The following IL1RAPL1 variants were observed in gnomAD, a reference collection of about 807,000 sequenced individuals.
IL1RAPL1 encodes the protein interleukin-1 receptor accessory protein-like 1.
A neutral mutation model predicts 48.4 loss-of-function variants in IL1RAPL1; 3 were observed. The observed-to-expected ratio is 0.06, with a 90% CI of 0.03 to 0.16. The LOEUF is 0.16. IL1RAPL1 is among the 10% of genes least tolerant of loss of function. The probability of loss-of-function intolerance (pLI) is 1.00; values close to 1 mark genes in which losing one functional copy is unlikely to be tolerated. For synonymous variants in IL1RAPL1, 185 were observed against 187.7 expected (o/e 0.99, Z 0.12); for missense variants, 349 against 530.6 (o/e 0.66, Z 3.36).
intron 5 of IL1RAPL1, among the ~76,000 whole-genome samples, chrX:29,400,421 T>C (rs780641814): frequency 8.9e-6 from 1 of 112,501 alleles, no homozygotes; most frequent in South Asian, 3.7e-4. Context: ...TCATACATTT[T>C]TTTTCTTTAT....
rs1476691252 is a variant in IL1RAPL1 at position 29,600,746 on chromosome X, T to C, written c.704-67684T>C. Among the ~76,000 whole-genome samples, 4 of 110,970 alleles carry C rather than the reference T, an allele frequency of 3.6e-5. No individual in the cohort carries two copies. In the East Asian group the frequency reaches 1.1e-3, roughly 31 times the overall value. On this transcript the variant is annotated intron_variant, in intron 5 of 10. Transcript: ENST00000378993. ...CTCTTTGGGTGGGGCTTGCTGAAGC[T>C]GCTGTGGGGGATAGCGGTGTGGTTC...
chrX:29,405,636 A>G (rs56168775), intron 5 of IL1RAPL1, among the ~76,000 whole-genome samples: 13,226 of 105,421 alleles, frequency 0.13, 1,853 homozygotes, highest in African/African-American at 0.38. Context: ...AAAGTGCTGG[A>G]ATTACAGGCG....
At chrX:29,506,804 G>T (rs962852675) in intron 5 of IL1RAPL1, among the ~76,000 whole-genome samples, 2 of 110,236 alleles carry the variant, frequency 1.8e-5, no homozygotes, top group African/African-American at 3.3e-5. Flanking sequence ...TGTCCTCGGG[G>T]ATATTTCTGT....
At chrX:28,852,338 C>CTT (rs11437442) in intron 2 of IL1RAPL1, among the ~76,000 whole-genome samples, 148 of 101,669 alleles carry the variant, frequency 1.5e-3, no homozygotes, top group South Asian at 4.9e-3. Flanking sequence ...TAATCCATAA[C>CTT]TTTTTTTTTT....
At chrX:29,292,455 T>C (rs1171402380) in intron 3 of IL1RAPL1, among the ~76,000 whole-genome samples, 1 of 111,856 alleles carries the variant, frequency 8.9e-6, no homozygotes, top group African/African-American at 3.2e-5. Flanking sequence ...GTATAAACAA[T>C]TTAAGTAATT....
intron 2 of IL1RAPL1, among the ~76,000 whole-genome samples, chrX:28,994,822 T>C (rs1267917888): frequency 8.9e-6 from 1 of 111,923 alleles, no homozygotes; most frequent in Non-Finnish European, 1.9e-5. Context: ...ATGGCAAATT[T>C]AATTAAAATA....
chrX:29,782,154 C>G (rs865890883), intron 6 of IL1RAPL1, among the ~76,000 whole-genome samples: 1 of 103,274 alleles, frequency 9.7e-6, no homozygotes, highest in Non-Finnish European at 2.0e-5. Flanking sequence ...ATGTACCTAC[C>G]TACCTACCTA....
intron 8 of IL1RAPL1, among the ~76,000 whole-genome samples, chrX:29,938,474 C>T (rs1933070511): frequency 9.0e-6 from 1 of 111,618 alleles, no homozygotes; most frequent in Admixed American, 9.5e-5. Flanking sequence ...CTGCCTGGGC[C>T]CTTATCTACA....
At chrX:29,735,635 G>A (rs1468554308) in intron 6 of IL1RAPL1, among the ~76,000 whole-genome samples, 1 of 111,979 alleles carries the variant, frequency 8.9e-6, no homozygotes, top group African/African-American at 3.3e-5. Flanking sequence ...CGGTGTGAGA[G>A]TAGGTAGCAG....
At chrX:28,927,308 T>C (rs763342911) in intron 2 of IL1RAPL1, among the ~76,000 whole-genome samples, 6 of 112,024 alleles carry the variant, frequency 5.4e-5, no homozygotes, top group Non-Finnish European at 9.4e-5. Context: ...ACTTTTAACT[T>C]ATTCATGCAT....
At chrX:29,566,832 G>A (rs1296661037) in intron 5 of IL1RAPL1, among the ~76,000 whole-genome samples, 1 of 111,463 alleles carries the variant, frequency 9.0e-6, no homozygotes. Flanking sequence ...ACCAAAAAAA[G>A]TAGTTTTAAA....
At chrX:28,914,949 A>G (rs1442017132) in intron 2 of IL1RAPL1, among the ~76,000 whole-genome samples, 1 of 112,015 alleles carries the variant, frequency 8.9e-6, no homozygotes, top group South Asian at 3.7e-4. Context: ...TACAGTGAAA[A>G]CTGTAGATCA....
chrX:29,462,558 C>G (rs1466703419), intron 5 of IL1RAPL1, among the ~76,000 whole-genome samples: 1 of 111,532 alleles, frequency 9.0e-6, no homozygotes, highest in African/African-American at 3.3e-5. Flanking sequence ...ATCATTCCCT[C>G]TCTCCCCTGC....
At chrX:28,762,375 A>C (rs1198890336) in intron 1 of IL1RAPL1, among the ~76,000 whole-genome samples, 2 of 111,927 alleles carry the variant, frequency 1.8e-5, no homozygotes, top group Non-Finnish European at 3.8e-5. Context: ...TGAATTTAAA[A>C]ATTTTATGAC....
chrX:29,006,624 C>A (rs1216115958), intron 2 of IL1RAPL1, among the ~76,000 whole-genome samples: 1 of 103,597 alleles, frequency 9.7e-6, no homozygotes, highest in African/African-American at 3.5e-5. Flanking sequence ...TTGTCTTGCC[C>A]ACATTTGTGT....
intron 2 of IL1RAPL1, among the ~76,000 whole-genome samples, chrX:28,798,962 A>G (rs1282534614): frequency 9.0e-6 from 1 of 111,289 alleles, no homozygotes; most frequent in Non-Finnish European, 1.9e-5. Context: ...TTTCAAAAAT[A>G]CCCCCTTTTC....
At chrX:29,791,795 A>G (rs1269558077) in intron 6 of IL1RAPL1, among the ~76,000 whole-genome samples, 1 of 93,703 alleles carries the variant, frequency 1.1e-5, no homozygotes, top group Non-Finnish European at 2.1e-5. Context: ...CAGTGTTGTG[A>G]TCTGAGCTCA....
At chrX:28,811,656 T>C (rs914244578) in intron 2 of IL1RAPL1, among the ~76,000 whole-genome samples, 1 of 110,543 alleles carries the variant, frequency 9.0e-6, no homozygotes, top group Admixed American at 9.7e-5. Flanking sequence ...TAGAAATTGA[T>C]ACATTAAGCC....
intron 5 of IL1RAPL1, among the ~76,000 whole-genome samples, chrX:29,499,740 G>A (rs1289248218): frequency 9.0e-6 from 1 of 111,107 alleles, no homozygotes; most frequent in Admixed American, 9.5e-5. Context: ...AAAACCTATG[G>A]TAAATAAACC....
Sources: allele counts gnomAD v4.1 joint callset (sites outside exome capture counted in the v4.1 genomes callset), GRCh38; gene constraint gnomAD v4.1.1; transcripts MANE v1.5; gene names NCBI Gene and HGNC (gene_info 2026-07-23, HGNC 2026-07-21).